Variants in RAB43 observed in about 807,000 individuals in gnomAD.
RAB43 encodes RAB43, member RAS oncogene family, also known as ras-related protein Rab-43.
A neutral mutation model predicts 18.8 loss-of-function variants in RAB43; 6 were observed. That is an observed-to-expected ratio of 0.32 (90% CI 0.17 to 0.63). The LOEUF (loss-of-function observed/expected upper bound fraction) is 0.63, where lower values mean the gene tolerates loss of function less well. Among genes scored for constraint, RAB43 ranks in the 30% least tolerant of loss-of-function variants. The pLI, the probability that RAB43 is intolerant of heterozygous loss-of-function variation, is 0.79. For synonymous variants in RAB43, 103 were observed against 124.1 expected (o/e 0.83, Z 1.13); for missense variants, 195 against 289.1 (o/e 0.67, Z 2.36).
rs910541729 is a variant in RAB43, at chr3:129,095,889, C to A, written c.205-720G>T. On this transcript the variant is annotated intron_variant, in intron 1 of 2. Coordinates refer to ENST00000315150, the MANE Select transcript of RAB43 (RefSeq NM_198490.3). The surrounding 1 kb of genome is among the most constrained non-coding windows in gnomAD (Gnocchi z 4.2). ...CCCTAGTGTCTTTTAGAAGCAGAGT[C>A]TGGCAGGATGGATACCAGGCCAGGT... 6.6e-6 allele frequency among the ~76,000 whole-genome samples: 1 copy of A among 152,214 alleles called. No individual in the cohort carries two copies. The highest frequency in any genetic ancestry group is 2.4e-5 in the African/African-American group (1 of 41,452).
intron 2 of RAB43, 141 bp downstream of exon 2, chr3:129,094,845 G>A: frequency 8.5e-7 from 1 of 1,173,012 alleles, no homozygotes; most frequent in East Asian, 2.5e-5. Flanking sequence ...GTGATTAGCA[G>A]GATCAGGATT....
Position 129,121,696 on chromosome 3 carries a change from C to A in RAB43, c.-207G>T, listed in dbSNP as rs1343351044. On this transcript the variant is annotated 5_prime_UTR_variant, in exon 1 of 3. Transcript: ENST00000315150. ...GGCTGGCTCCCGCCCCGGCCCGGCT[C>A]GGCCCCGCCCGGACCCGGTGCCCCG... is the stretch of plus-strand genomic sequence containing the variant. The A allele has an allele frequency of 1.5e-5, 5 of 338,638 alleles. No individual in the cohort carries two copies. The highest frequency in any genetic ancestry group is 5.0e-5 in the Admixed American group (1 of 20,164). 21.0% of individuals were successfully genotyped at this position (338,638 alleles called of 1,614,324 possible). A position where few individuals can be genotyped will look rare whatever the true frequency, so the allele number is the denominator to read the frequency against.
chr3:129,097,283 A>G (rs971373673), intron 1 of RAB43, among the ~76,000 whole-genome samples: 1 of 152,240 alleles, frequency 6.6e-6, no homozygotes, highest in Non-Finnish European at 1.5e-5. Context: ...ACAATGGAGC[A>G]GAGCAGACCA....
chr3:129,110,949 G>A (rs900888576), intron 1 of RAB43, among the ~76,000 whole-genome samples: 1 of 151,434 alleles, frequency 6.6e-6, no homozygotes, highest in Admixed American at 6.6e-5. Context: ...AGGATAGTAA[G>A]GTAAGATAAT....
At chr3:129,111,751 T>C (rs1935187884) in intron 1 of RAB43, among the ~76,000 whole-genome samples, 1 of 152,188 alleles carries the variant, frequency 6.6e-6, no homozygotes, top group Non-Finnish European at 1.5e-5. Flanking sequence ...ACATATTTCA[T>C]AGAATTTTCA....
intron 1 of RAB43, among the ~76,000 whole-genome samples, chr3:129,103,247 C>A (rs562356233): frequency 1.1e-3 from 160 of 152,326 alleles, no homozygotes; most frequent in African/African-American, 3.7e-3. Context: ...CTCCTACCCA[C>A]TTATCCCCAC....
intron 1 of RAB43, among the ~76,000 whole-genome samples, chr3:129,120,814 T>C (rs1935854949): frequency 6.6e-6 from 1 of 152,148 alleles, no homozygotes; most frequent in Non-Finnish European, 1.5e-5. Context: ...AAGCAACTAC[T>C]TCCTGATCGC....
At chr3:129,115,938 T>C (rs1433824462) in intron 1 of RAB43, among the ~76,000 whole-genome samples, 1 of 152,252 alleles carries the variant, frequency 6.6e-6, no homozygotes, top group African/African-American at 2.4e-5. Flanking sequence ...CCACCTGGGA[T>C]GTGAATCATA....
At chr3:129,098,269 C>A (rs1334320815) in intron 1 of RAB43, among the ~76,000 whole-genome samples, 1 of 152,214 alleles carries the variant, frequency 6.6e-6, no homozygotes, top group Non-Finnish European at 1.5e-5. Flanking sequence ...CCCTCACCAA[C>A]ATAAGCCTTG....
chr3:129,093,836 G>A (rs139441958), intron 2 of RAB43, among the ~76,000 whole-genome samples: 324 of 152,198 alleles, frequency 2.1e-3, no homozygotes, highest in Admixed American at 6.0e-3. Flanking sequence ...CAGGAGAATC[G>A]CTTGAACCAG....
intron 1 of RAB43, 36 bp downstream of exon 1, chr3:129,121,250 G>A (rs1477204249): frequency 6.5e-7 from 1 of 1,549,470 alleles, no homozygotes; most frequent in Non-Finnish European, 8.8e-7. Context: ...CACCCTCCGA[G>A]GGAGCGCCTT....
chr3:129,102,026 C>T (rs936694855), intron 1 of RAB43, among the ~76,000 whole-genome samples: 1 of 152,194 alleles, frequency 6.6e-6, no homozygotes, highest in Non-Finnish European at 1.5e-5. Context: ...TGTGCTCATG[C>T]CTCCATGACC....
At chr3:129,104,273 C>T (rs1934614203) in intron 1 of RAB43, among the ~76,000 whole-genome samples, 1 of 152,182 alleles carries the variant, frequency 6.6e-6, no homozygotes, top group Non-Finnish European at 1.5e-5. Flanking sequence ...CTTTCTCTAT[C>T]CCCCACCCCC....
At chr3:129,102,125 C>A (rs1036609980) in intron 1 of RAB43, among the ~76,000 whole-genome samples, 1 of 152,206 alleles carries the variant, frequency 6.6e-6, no homozygotes. Flanking sequence ...CTCAGAGGGA[C>A]CACTGTGAGA....
intron 1 of RAB43, among the ~76,000 whole-genome samples, chr3:129,100,462 G>A (rs1254894819): frequency 6.6e-6 from 1 of 152,192 alleles, no homozygotes; most frequent in African/African-American, 2.4e-5. Context: ...AGGGCAGGGG[G>A]TTGGCAATAT....
intron 1 of RAB43, among the ~76,000 whole-genome samples, chr3:129,113,754 C>T (rs575824205): frequency 8.5e-5 from 13 of 152,216 alleles, no homozygotes; most frequent in Admixed American, 2.0e-4. Flanking sequence ...TGTGGCCAGG[C>T]GCAGTGGCTC....
At chr3:129,114,745 A>G (rs1231395948) in intron 1 of RAB43, among the ~76,000 whole-genome samples, 1 of 152,188 alleles carries the variant, frequency 6.6e-6, no homozygotes, top group Non-Finnish European at 1.5e-5. Flanking sequence ...GGATATCCTG[A>G]GTCACAGCAT....
At chr3:129,096,910 C>T (rs569037972) in intron 1 of RAB43, among the ~76,000 whole-genome samples, 3 of 152,210 alleles carry the variant, frequency 2.0e-5, no homozygotes, top group East Asian at 1.9e-4. Flanking sequence ...ATCAAGAGTT[C>T]GAGACCAGGC....
At chr3:129,121,075 C>G (rs542677923) in intron 1 of RAB43, among the ~76,000 whole-genome samples, 11 of 148,006 alleles carry the variant, frequency 7.4e-5, no homozygotes, top group Admixed American at 2.7e-4. Context: ...CTCGCCCCCC[C>G]CCCCCCCAGC....
Sources: gnomAD v4.1 joint callset for allele counts (sites outside exome capture counted in the v4.1 genomes callset) on GRCh38, gnomAD v4.1.1 for gene constraint, Gnocchi (gnomAD v3.1) non-coding constraint, MANE v1.5 for transcripts, NCBI Gene and HGNC (gene_info 2026-07-23, HGNC 2026-07-21) for gene names.